RAD51B: variants seen among roughly 807,000 people sequenced by gnomAD.
RAD51B encodes the protein DNA repair protein RAD51 homolog 2.
RAD51B carries 38 observed loss-of-function variants against 42.2 expected under a neutral mutation model. The observed-to-expected ratio is 0.90, with a 90% CI of 0.70 to 1.18. The LOEUF is 1.18. Ranked by LOEUF, RAD51B falls within the 50% of genes most tolerant of loss-of-function variation. RAD51B has a pLI of 0.00. For synonymous variants in RAD51B, 154 were observed against 145.2 expected (o/e 1.06, Z -0.43); for missense variants, 373 against 400.7 (o/e 0.93, Z 0.59).
intron 10 of RAD51B, chr14:68,470,383 G>T: frequency 7.3e-6 from 3 of 411,840 alleles, no homozygotes; most frequent in South Asian, 5.7e-5. Flanking sequence ...TTCTTGCTGT[G>T]TGCTCCCAAA....
intron 10 of RAD51B, among the ~76,000 whole-genome samples, chr14:68,516,810 C>A (rs981990084): frequency 3.3e-5 from 5 of 152,144 alleles, no homozygotes; most frequent in Admixed American, 6.5e-5. Flanking sequence ...TGATATATTT[C>A]TTGATGAAAA....
chr14:68,058,417 C>T (rs1183321894), intron 7 of RAD51B, among the ~76,000 whole-genome samples: 1 of 152,160 alleles, frequency 6.6e-6, no homozygotes, highest in African/African-American at 2.4e-5. Context: ...AGTCTCTCTG[C>T]CATGACATTT....
chr14:68,416,385 T>A (rs1052645614), intron 9 of RAD51B, among the ~76,000 whole-genome samples: 1 of 152,156 alleles, frequency 6.6e-6, no homozygotes, highest in Non-Finnish European at 1.5e-5. Context: ...GAGCCCTGAA[T>A]TATGAGCCCC....
chr14:68,160,016 C>A (rs373389919), intron 7 of RAD51B, among the ~76,000 whole-genome samples: 1 of 151,898 alleles, frequency 6.6e-6, no homozygotes. Context: ...TACAATCAAA[C>A]GGCATTTGAA....
chr14:68,596,785 T>A (rs765614380), downstream of RAD51B, among the ~76,000 whole-genome samples: 18 of 152,194 alleles, frequency 1.2e-4, no homozygotes, highest in South Asian at 2.1e-4. Flanking sequence ...TCTCTTCCCA[T>A]CGTAAGGAAA....
At chr14:67,910,699 G>C (rs909989794) in intron 7 of RAD51B, among the ~76,000 whole-genome samples, 1 of 151,898 alleles carries the variant, frequency 6.6e-6, no homozygotes, top group Admixed American at 6.6e-5. Flanking sequence ...TACATCTGAA[G>C]ATAGCCTAGT....
chr14:67,948,209 T>C (rs1472917285), intron 7 of RAD51B, among the ~76,000 whole-genome samples: 1 of 152,248 alleles, frequency 6.6e-6, no homozygotes, highest in East Asian at 1.9e-4. Context: ...AGATGGACTC[T>C]CCTAAGAGTG....
chr14:68,401,945 T>G (rs1258229173), intron 8 of RAD51B, among the ~76,000 whole-genome samples: 1 of 152,026 alleles, frequency 6.6e-6, no homozygotes, highest in East Asian at 1.9e-4. Context: ...AGCTGATGGG[T>G]TTTTTCCAGT....
chr14:68,051,419 G>T (rs763026586), intron 7 of RAD51B, among the ~76,000 whole-genome samples: 7 of 151,698 alleles, frequency 4.6e-5, no homozygotes, highest in Non-Finnish European at 1.0e-4. Flanking sequence ...ATATATTTTT[G>T]CTATATAAAT....
At chr14:68,139,352 A>T (rs2078077929) in intron 7 of RAD51B, among the ~76,000 whole-genome samples, 1 of 152,152 alleles carries the variant, frequency 6.6e-6, no homozygotes, top group Admixed American at 6.5e-5. Flanking sequence ...ATAGAAGCAG[A>T]TACTGCATAC....
At chr14:67,889,491 C>G (rs2043155531) in intron 7 of RAD51B, among the ~76,000 whole-genome samples, 1 of 148,340 alleles carries the variant, frequency 6.7e-6, no homozygotes, top group South Asian at 2.1e-4. Context: ...CACAGATTGT[C>G]TTGAAATATG....
Position 68,099,237 on chromosome 14 carries a change from G to C in RAD51B, c.757-192647G>C, listed in dbSNP as rs531503510. On this transcript the variant is annotated intron_variant, in intron 7 of 10. Coordinates refer to ENST00000471583, the MANE Select transcript of RAD51B (RefSeq NM_133510.4). ...CTAACAGAATAGGATACTGGTCCTGGGGACAGATCCCCAACTATCTGAATT... is the reference window on the plus strand; with the variant it reads ...CTAACAGAATAGGATACTGGTCCTGCGGACAGATCCCCAACTATCTGAATT... 7.6e-4 allele frequency among the ~76,000 whole-genome samples: 116 copies of C among 152,208 alleles called. 1 individual carries two copies. The highest frequency in any genetic ancestry group is 3.3e-3 in the Admixed American group (50 of 15,278).
chr14:68,636,953 C>T (rs990230953), intron 10 of RAD51B, among the ~76,000 whole-genome samples: 4 of 152,230 alleles, frequency 2.6e-5, no homozygotes, highest in Admixed American at 6.5e-5. Flanking sequence ...TAGCCCCTGT[C>T]TCTGCTTTGA....
At chr14:68,145,445 A>C (rs2078229243) in intron 7 of RAD51B, among the ~76,000 whole-genome samples, 1 of 152,228 alleles carries the variant, frequency 6.6e-6, no homozygotes. Context: ...AAGTAACAAG[A>C]ATACTTTATG....
At chr14:68,527,421 GC>G (rs1217259222) in intron 10 of RAD51B, among the ~76,000 whole-genome samples, 1 of 152,206 alleles carries the variant, frequency 6.6e-6, no homozygotes, top group Non-Finnish European at 1.5e-5. Flanking sequence ...GCCATTTGAG[GC>G]CCATGAACCA....
chr14:68,555,612 C>T (rs911706718), intron 10 of RAD51B, among the ~76,000 whole-genome samples: 1 of 152,210 alleles, frequency 6.6e-6, no homozygotes, highest in East Asian at 1.9e-4. Context: ...GCTGTTTGCT[C>T]ACTGACAGCC....
chr14:68,024,654 A>G (rs997068087), intron 7 of RAD51B, among the ~76,000 whole-genome samples: 1 of 152,100 alleles, frequency 6.6e-6, no homozygotes, highest in Non-Finnish European at 1.5e-5. Flanking sequence ...TTATGGTTGT[A>G]TAGAAATGCT....
intron 7 of RAD51B, among the ~76,000 whole-genome samples, chr14:68,182,907 T>C (rs117369175): frequency 0.013 from 1,951 of 152,312 alleles, 18 homozygotes; most frequent in Non-Finnish European, 0.021. Flanking sequence ...TTTTTAGATG[T>C]ATAACTTCAG....
intron 4 of RAD51B, among the ~76,000 whole-genome samples, chr14:67,837,547 T>A (rs2140302507): frequency 6.6e-6 from 1 of 152,332 alleles, no homozygotes; most frequent in East Asian, 1.9e-4. Context: ...TTCTCTCCTT[T>A]CTGTTCTAGC....
Sources: gnomAD v4.1 joint callset for allele counts (sites outside exome capture counted in the v4.1 genomes callset) on GRCh38, gnomAD v4.1.1 for gene constraint, MANE v1.5 for transcripts, NCBI Gene and HGNC (gene_info 2026-07-23, HGNC 2026-07-21) for gene names.